Variants in TFCP2 observed in about 807,000 individuals in gnomAD.
TFCP2 encodes the protein transcription factor CP2, also known as alpha-globin transcription factor CP2.
In TFCP2, 33 loss-of-function variants were observed where a neutral mutation model predicts 73.4. The observed-to-expected ratio is 0.45, with a 90% CI of 0.34 to 0.60. The LOEUF is 0.60. Ranked by LOEUF, TFCP2 falls within the 20% of genes least tolerant of loss-of-function variation. The pLI is 0.01. For missense variants in TFCP2, 352 were observed against 604.0 expected, an observed-to-expected ratio of 0.58 and a Z score of 4.37; for synonymous variants, 193 against 211.6, an observed-to-expected ratio of 0.91 and a Z score of 0.76.
intron 1 of TFCP2, among the ~76,000 whole-genome samples, chr12:51,155,900 G>A (rs1348290707): frequency 2.0e-5 from 3 of 152,106 alleles, no homozygotes; most frequent in Middle Eastern, 3.2e-3. Flanking sequence ...AAATTAGCTG[G>A]GCATGGTGGC....
At position 51,103,954 on chromosome 12, in the gene TFCP2, T is replaced by C. The variant is rs1488829675; in HGVS notation, c.967-191A>G. On this transcript the variant is annotated intron_variant, in intron 9 of 14. Coordinates refer to ENST00000257915, the MANE Select transcript of TFCP2 (RefSeq NM_005653.5). ...TCTTCCCCACTAGACTATAAGCTGC[T>C]CAAATGGAAAGGTCCTGCATTACTT... is the stretch of plus-strand genomic sequence containing the variant. The C allele has an allele frequency of 1.6e-5, 11 of 697,866 alleles. No homozygotes were observed. In the Admixed American group the frequency reaches 2.6e-4, roughly 16 times the overall value. 43.2% of individuals were successfully genotyped at this position (697,866 alleles called of 1,614,324 possible). A position where few individuals can be genotyped will look rare whatever the true frequency, so the allele number is the denominator to read the frequency against.
At chr12:51,108,389 T>C (rs779917232) in intron 6 of TFCP2, among the ~76,000 whole-genome samples, 2 of 151,674 alleles carry the variant, frequency 1.3e-5, no homozygotes, top group Non-Finnish European at 2.9e-5. Context: ...AGTGTAAGAG[T>C]AGTAAAGGGA....
chr12:51,147,041 G>A (rs1941311319), intron 1 of TFCP2, among the ~76,000 whole-genome samples: 1 of 152,184 alleles, frequency 6.6e-6, no homozygotes, highest in African/African-American at 2.4e-5. Flanking sequence ...ACCAGGATTT[G>A]CTGTGCATAT....
chr12:51,095,277 T>G lies in TFCP2; in HGVS notation c.1473A>C (p.Ala491=), dbSNP rs1191199719. 6.2e-7 allele frequency: 1 copy of G among 1,613,956 alleles called. No individual in the cohort carries two copies. Among genetic ancestry groups the G allele is most frequent in the Non-Finnish European group, 8.5e-7 (1 of 1,179,972 alleles). ...TGATATGATAGCTATCATTGGTTTC[T>G]GCTGTTAAAAAAAAGAGAGAGAGAG... ...EACFILDTMK[A]ETNDSYHIIL... Residue 491 remains alanine, a splice_region_variant and synonymous_variant, in exon 15 of 15, where the codon GCA becomes GCC. Transcript: ENST00000257915.
chr12:51,146,809 C>T (rs1366233013), intron 1 of TFCP2, among the ~76,000 whole-genome samples: 2 of 152,142 alleles, frequency 1.3e-5, no homozygotes, highest in Non-Finnish European at 2.9e-5. Flanking sequence ...TATTTATTTC[C>T]AGCCTGTATC....
chr12:51,106,289 T>G (rs750891805), intron 8 of TFCP2, among the ~76,000 whole-genome samples: 3 of 151,626 alleles, frequency 2.0e-5, no homozygotes, highest in African/African-American at 7.3e-5. Context: ...TACTTTCTAG[T>G]GGGGGGAAAA....
intron 1 of TFCP2, among the ~76,000 whole-genome samples, chr12:51,148,981 C>A (rs73305742): frequency 1.0e-4 from 14 of 133,428 alleles, no homozygotes; most frequent in African/African-American, 3.8e-4. Context: ...GCCAAGACTG[C>A]GCTGCTGCAC....
chr12:51,165,714 A>G (rs1248634920), intron 1 of TFCP2, among the ~76,000 whole-genome samples: 1 of 152,244 alleles, frequency 6.6e-6, no homozygotes, highest in Non-Finnish European at 1.5e-5. Context: ...GTACTTAATT[A>G]CACTGATCTG....
At chr12:51,125,101 G>A (rs765328880) in intron 1 of TFCP2, 9 of 754,214 alleles carry the variant, frequency 1.2e-5, no homozygotes, top group South Asian at 8.2e-5. Context: ...GTGAAGATGC[G>A]AGGAAGCTGG....
chr12:51,102,205 C>T (rs12424460), intron 10 of TFCP2, among the ~76,000 whole-genome samples, 180 bp from the exon 11 acceptor site: 28,190 of 152,040 alleles, frequency 0.19, 3,686 homozygotes, highest in African/African-American at 0.35. Flanking sequence ...TCAATTCCCC[C>T]CAATTAACCT....
rs1201305570 is a variant in TFCP2, at chr12:51,126,248, A to AG, written c.123-7477_123-7476insC. Among the ~76,000 whole-genome samples, 68 of 150,850 alleles carry AG rather than the reference A, an allele frequency of 4.5e-4. 2 individuals are homozygous for AG. The South Asian group carries it at 0.013, about 28-fold the overall frequency. ...ACTCTGTCTCAAAAAAAAAAAAAAA[A>AG]AAAGAAAAGAAAAGATATAGAAATC... On this transcript the variant is annotated intron_variant, in intron 1 of 14. Coordinates refer to ENST00000257915, the MANE Select transcript of TFCP2 (RefSeq NM_005653.5).
chr12:51,102,238 A>G (rs1940127649), intron 10 of TFCP2, among the ~76,000 whole-genome samples: 1 of 152,028 alleles, frequency 6.6e-6, no homozygotes, highest in Non-Finnish European at 1.5e-5. Flanking sequence ...CTATGCTTTC[A>G]TCATACTGAT....
intron 8 of TFCP2, among the ~76,000 whole-genome samples, chr12:51,104,995 A>G (rs1940195271): frequency 2.0e-5 from 3 of 151,994 alleles, no homozygotes; most frequent in African/African-American, 7.2e-5. Flanking sequence ...TACAGGCGTG[A>G]GCCACCGCGC....
chr12:51,136,047 C>T (rs1941053434), intron 1 of TFCP2, among the ~76,000 whole-genome samples: 1 of 151,956 alleles, frequency 6.6e-6, no homozygotes, highest in Non-Finnish European at 1.5e-5. Context: ...TGGCTCATGC[C>T]TGTAATCCCA....
intron 8 of TFCP2, among the ~76,000 whole-genome samples, chr12:51,105,579 T>C (rs931425838): frequency 6.6e-6 from 1 of 152,236 alleles, no homozygotes; most frequent in Non-Finnish European, 1.5e-5. Context: ...TATGTGGATG[T>C]TAAGATTTTT....
At chr12:51,132,086 T>C (rs922559326) in intron 1 of TFCP2, among the ~76,000 whole-genome samples, 4 of 152,080 alleles carry the variant, frequency 2.6e-5, no homozygotes, top group African/African-American at 4.8e-5. Context: ...GAACAACTGC[T>C]TGTGGGGGAA....
intron 1 of TFCP2, among the ~76,000 whole-genome samples, chr12:51,141,754 A>C (rs550597668): frequency 7.3e-5 from 11 of 151,664 alleles, no homozygotes; most frequent in African/African-American, 2.7e-4. Context: ...ACAAAAAAAA[A>C]AAATAGCTGG....
intron 4 of TFCP2, among the ~76,000 whole-genome samples, chr12:51,111,789 G>C (rs772842515): frequency 3.3e-5 from 5 of 152,008 alleles, no homozygotes; most frequent in Non-Finnish European, 5.9e-5. Flanking sequence ...GGGAGGTGGA[G>C]GTTGCAGTGA....
intron 1 of TFCP2, among the ~76,000 whole-genome samples, chr12:51,154,964 G>A (rs1448372000): frequency 2.0e-5 from 3 of 152,202 alleles, no homozygotes; most frequent in Non-Finnish European, 4.4e-5. Flanking sequence ...AGTGTTTCCA[G>A]AGAAGACTGG....
Sources: gnomAD v4.1 joint callset for allele counts (sites outside exome capture counted in the v4.1 genomes callset) on GRCh38, gnomAD v4.1.1 for gene constraint, MANE v1.5 for transcripts, NCBI Gene and HGNC (gene_info 2026-07-23, HGNC 2026-07-21) for gene names.